Variants in THSD7B observed in about 807,000 individuals in gnomAD.
The protein encoded by THSD7B is thrombospondin type-1 domain-containing protein 7B.
In THSD7B, 138 loss-of-function variants were observed where a neutral mutation model predicts 213.6. The ratio of observed to expected loss-of-function variants is 0.65; its 90% CI spans 0.56 to 0.74. The LOEUF (loss-of-function observed/expected upper bound fraction) is 0.74. Among genes scored for constraint, THSD7B ranks in the 30% least tolerant of loss-of-function variants. The probability of loss-of-function intolerance (pLI) is 0.00; values close to 1 mark genes in which losing one functional copy is unlikely to be tolerated. For synonymous variants in THSD7B, 742 were observed against 687.0 expected, an observed-to-expected ratio of 1.08 and a Z score of -1.25; for missense variants, 1,931 against 1,991.5, an observed-to-expected ratio of 0.97 and a Z score of 0.58.
chr2:136,853,396 C>T (rs898134804), intron 1 of THSD7B, among the ~76,000 whole-genome samples: 1 of 152,092 alleles, frequency 6.6e-6, no homozygotes, highest in Non-Finnish European at 1.5e-5. Context: ...GTAGGATAAA[C>T]CTTAATGTGG....
At chr2:137,245,410 C>T (rs1682004460) in intron 10 of THSD7B, among the ~76,000 whole-genome samples, 1 of 152,164 alleles carries the variant, frequency 6.6e-6, no homozygotes, top group South Asian at 2.1e-4. Flanking sequence ...GTATAGTTTG[C>T]ACCTGCTGTG....
intron 1 of THSD7B, among the ~76,000 whole-genome samples, chr2:136,777,898 T>C (rs1681644196): frequency 6.6e-6 from 1 of 152,172 alleles, no homozygotes; most frequent in African/African-American, 2.4e-5. Flanking sequence ...AGATGTTGCC[T>C]AATACACAGA....
At chr2:137,284,329 G>C (rs1032115165) in intron 12 of THSD7B, among the ~76,000 whole-genome samples, 1 of 151,984 alleles carries the variant, frequency 6.6e-6, no homozygotes, top group South Asian at 2.1e-4. Context: ...AATCAATTTT[G>C]TTGATCTTTT....
rs538783720 is a variant in THSD7B, at chr2:136,926,984, G to A, written c.139+44667G>A. On this transcript the variant is annotated intron_variant, in intron 2 of 27. Transcript: ENST00000409968. ...CAGTTATCTTATAAAATACAAACTTGTTTCTAACACTTTTGTGCTTAAGAT... is the reference window on the plus strand; with the variant it reads ...CAGTTATCTTATAAAATACAAACTTATTTCTAACACTTTTGTGCTTAAGAT... 2.0e-5 allele frequency among the ~76,000 whole-genome samples: 3 copies of A among 152,172 alleles called. No homozygotes were observed. In the South Asian group the frequency reaches 6.2e-4, roughly 32 times the overall value.
intron 2 of THSD7B, among the ~76,000 whole-genome samples, chr2:137,053,330 A>C (rs1030962890): frequency 3.3e-5 from 5 of 152,174 alleles, no homozygotes; most frequent in Non-Finnish European, 7.4e-5. Flanking sequence ...AAACATCTTC[A>C]AATATAGCAA....
At chr2:137,164,073 CA>C (rs750685866) in intron 6 of THSD7B, among the ~76,000 whole-genome samples, 7 of 151,952 alleles carry the variant, frequency 4.6e-5, no homozygotes, top group Non-Finnish European at 1.0e-4. Flanking sequence ...AATCATTGAG[CA>C]GATGCAGGAG....
chr2:137,278,205 A>T (rs1236538182), intron 12 of THSD7B, among the ~76,000 whole-genome samples: 1 of 152,092 alleles, frequency 6.6e-6, no homozygotes, highest in East Asian at 1.9e-4. Flanking sequence ...CTCATTAAGG[A>T]GCCAAAATGA....
intron 7 of THSD7B, among the ~76,000 whole-genome samples, chr2:137,207,732 A>C (rs1007987545): frequency 6.6e-6 from 1 of 152,060 alleles, no homozygotes; most frequent in African/African-American, 2.4e-5. Flanking sequence ...GCCCTTGACT[A>C]TACTTCTCTC....
At chr2:137,226,669 C>T (rs1681511717) in intron 7 of THSD7B, among the ~76,000 whole-genome samples, 1 of 151,636 alleles carries the variant, frequency 6.6e-6, no homozygotes, top group Non-Finnish European at 1.5e-5. Flanking sequence ...GCTATCTATG[C>T]CACAGCCCCT....
At chr2:137,036,071 TA>T (rs1197620760) in intron 2 of THSD7B, among the ~76,000 whole-genome samples, 1 of 152,246 alleles carries the variant, frequency 6.6e-6, no homozygotes, top group African/African-American at 2.4e-5. Flanking sequence ...CTAGGTGCTT[TA>T]AAAAAATTAA....
chr2:137,133,759 A>G (rs1235626366), intron 5 of THSD7B, among the ~76,000 whole-genome samples: 4 of 152,244 alleles, frequency 2.6e-5, no homozygotes, highest in Non-Finnish European at 5.9e-5. Context: ...CACCAAATAT[A>G]TCCAAAGGAC....
Position 137,398,443 on chromosome 2 carries a change from C to T in THSD7B, c.2501-7170C>T, listed in dbSNP as rs1485597559. ...CTGCTGTGTGAGGTGTCAGTGTGCCCCTGCTGGGGGGTGCCTCCCAGTTAG... is the reference window on the plus strand; with the variant it reads ...CTGCTGTGTGAGGTGTCAGTGTGCCTCTGCTGGGGGGTGCCTCCCAGTTAG... On this transcript the variant is annotated intron_variant, in intron 12 of 27. Coordinates refer to ENST00000409968, the MANE Select transcript of THSD7B (RefSeq NM_001316349.2). Among the ~76,000 whole-genome samples the T allele has an allele frequency of 5.3e-5, 8 of 151,506 alleles. No individual in the cohort carries two copies. The East Asian group carries it at 1.2e-3, about 22-fold the overall frequency.
chr2:137,320,868 T>G (rs1054677490), intron 12 of THSD7B, among the ~76,000 whole-genome samples: 1 of 152,254 alleles, frequency 6.6e-6, no homozygotes, highest in Admixed American at 6.5e-5. Flanking sequence ...CATTTTTTTC[T>G]CTGAAGCCTT....
intron 12 of THSD7B, among the ~76,000 whole-genome samples, chr2:137,405,025 A>G (rs1030939089): frequency 2.6e-5 from 4 of 152,156 alleles, no homozygotes; most frequent in African/African-American, 7.2e-5. Context: ...AACATAAAAT[A>G]TATTTGCAAT....
intron 22 of THSD7B, 50 bp downstream of exon 22, chr2:137,655,710 T>A (rs555162234): frequency 1.3e-6 from 2 of 1,565,860 alleles, no homozygotes; most frequent in Admixed American, 3.7e-5. Flanking sequence ...TCTTTTTGTT[T>A]ATTTTACTAC....
At chr2:137,163,812 C>T (rs764907716) in intron 6 of THSD7B, among the ~76,000 whole-genome samples, 5 of 152,218 alleles carry the variant, frequency 3.3e-5, no homozygotes, top group Non-Finnish European at 7.3e-5. Flanking sequence ...AAAATGACAA[C>T]ACCAAAGTGT....
chr2:137,478,909 G>A (rs542300139), intron 15 of THSD7B, among the ~76,000 whole-genome samples: 1 of 152,172 alleles, frequency 6.6e-6, no homozygotes, highest in Non-Finnish European at 1.5e-5. Flanking sequence ...CTGGTGACAG[G>A]GATGTCAAGT....
chr2:137,272,579 A>G lies in THSD7B; in HGVS notation c.2313A>G (p.Glu771=), dbSNP rs781006155. 1 of 1,612,154 alleles carries G rather than the reference A, an allele frequency of 6.2e-7. No individual in the cohort carries two copies. The highest frequency in any genetic ancestry group is 8.5e-7 in the Non-Finnish European group (1 of 1,179,038). ...KQSRYRIIIQ[E]AANGGQECPD... is the part of the protein sequence containing the mutation. ...CTCGATACAGAATCATCATCCAAGA[A>G]GCAGCCAATGGAGGCCAGGAATGCC... The change falls in exon 11 of 28, where the codon GAA becomes GAG. Residue 771 remains glutamate (E), a synonymous_variant. Coordinates refer to ENST00000409968, the MANE Select transcript of THSD7B (RefSeq NM_001316349.2).
At chr2:137,562,774 T>G (rs940797846) in intron 15 of THSD7B, among the ~76,000 whole-genome samples, 1 of 152,146 alleles carries the variant, frequency 6.6e-6, no homozygotes, top group African/African-American at 2.4e-5. Flanking sequence ...ATCATATCAC[T>G]TTTCTTATGC....
Sources: allele counts gnomAD v4.1 joint callset (sites outside exome capture counted in the v4.1 genomes callset), GRCh38; gene constraint gnomAD v4.1.1; transcripts MANE v1.5; gene names NCBI Gene and HGNC (gene_info 2026-07-23, HGNC 2026-07-21).